The following ZNF346 variants were observed in gnomAD, a reference collection of about 807,000 sequenced individuals.
ZNF346 encodes zinc finger protein 346.
Under a neutral mutation model 33.7 loss-of-function variants are expected in ZNF346, and 23 were observed. The ratio of observed to expected loss-of-function variants is 0.68; its 90% confidence interval spans 0.49 to 0.97. The LOEUF is 0.97. ZNF346 is among the 50% of genes least tolerant of loss of function. The pLI, the probability that ZNF346 is intolerant of heterozygous loss-of-function variation, is 0.00. For synonymous variants in ZNF346, 134 were observed against 142.4 expected (o/e 0.94, Z 0.42); for missense variants, 340 against 371.1 (o/e 0.92, Z 0.69).
chr5:177,044,052 G>GT (rs549037838), intron 3 of ZNF346, among the ~76,000 whole-genome samples: 269 of 144,704 alleles, frequency 1.9e-3, no homozygotes, highest in East Asian at 2.8e-3. Flanking sequence ...ACTGAATGAT[G>GT]TTTTTTTTTT....
chr5:177,044,247 G>A (rs762741735), intron 3 of ZNF346, 142 bp from the exon 4 acceptor site: 2 of 878,340 alleles, frequency 2.3e-6, no homozygotes, highest in Admixed American at 2.6e-5. Context: ...CAAAGTAGCT[G>A]GAGAAGAATC....
intron 4 of ZNF346, among the ~76,000 whole-genome samples, chr5:177,047,356 GAGATGGAGTCTCCCTCTT>G (rs1780215745): frequency 1.1e-4 from 11 of 96,532 alleles, no homozygotes; most frequent in African/African-American, 4.1e-4. Flanking sequence ...TTTTTTTTTT[GAGATGGAGTCTCCCTCTT>G]TTGCCCAAGC....
At chr5:177,058,432 T>C (rs551210655) in intron 5 of ZNF346, among the ~76,000 whole-genome samples, 3 of 151,734 alleles carry the variant, frequency 2.0e-5, no homozygotes, top group Non-Finnish European at 4.4e-5. Context: ...GATCACGCCA[T>C]TGCACTCCAG....
chr5:177,052,856 C>T (rs1175021368), intron 5 of ZNF346: 1 of 152,194 alleles, frequency 6.6e-6, no homozygotes, highest in East Asian at 1.9e-4. Flanking sequence ...ACTTCTCTTG[C>T]ACTGCTAGGC....
intron 1 of ZNF346, among the ~76,000 whole-genome samples, chr5:177,028,637 A>T (rs1456623063): frequency 3.4e-5 from 5 of 147,492 alleles, no homozygotes; most frequent in Non-Finnish European, 7.4e-5. Context: ...GCTTCCTGAA[A>T]CACCTCTGGA....
chr5:177,024,826 A>G (rs1449143222), intron 1 of ZNF346, among the ~76,000 whole-genome samples: 1 of 152,256 alleles, frequency 6.6e-6, no homozygotes, highest in Non-Finnish European at 1.5e-5. Flanking sequence ...TGCTATGTGT[A>G]TATGAGTGTA....
At chr5:177,027,348 C>T (rs1157730607) in intron 1 of ZNF346, among the ~76,000 whole-genome samples, 3 of 152,130 alleles carry the variant, frequency 2.0e-5, no homozygotes, top group South Asian at 2.1e-4. Context: ...CACGCCCAGC[C>T]GATAAAAGTT....
intron 3 of ZNF346, among the ~76,000 whole-genome samples, chr5:177,044,052 G>GTT (rs549037838): frequency 1.4e-5 from 2 of 144,910 alleles, no homozygotes; most frequent in Non-Finnish European, 3.1e-5. Context: ...ACTGAATGAT[G>GTT]TTTTTTTTTT....
At position 177,022,785 on chromosome 5, in the gene ZNF346, C is replaced by T; in HGVS notation, c.47C>T (p.Ala16Val). 6.5e-7 allele frequency: 1 copy of T among 1,548,564 alleles called. No homozygotes were observed. ...PATVQAADGG[A>V]AGPYSSSELL... ...ACGGTGCAGGCCGCGGACGGCGGAGCGGCCGGGCCTTACAGCAGCTCGGAG... is the reference window on the plus strand; with the variant it reads ...ACGGTGCAGGCCGCGGACGGCGGAGTGGCCGGGCCTTACAGCAGCTCGGAG... Residue 16 changes from alanine (A) to valine (V), a missense_variant, in exon 1 of 7, where the codon GCG becomes GTG. Coordinates refer to ENST00000358149, the MANE Select transcript of ZNF346 (RefSeq NM_012279.4).
chr5:177,036,061 C>G (rs1778464249), intron 1 of ZNF346, among the ~76,000 whole-genome samples: 1 of 150,796 alleles, frequency 6.6e-6, no homozygotes, highest in South Asian at 2.1e-4. Flanking sequence ...CTGGATAGTT[C>G]TGATTCAGGG....
intron 6 of ZNF346, 45 bp downstream of exon 6, chr5:177,062,196 C>T: frequency 6.5e-7 from 1 of 1,530,472 alleles, no homozygotes; most frequent in South Asian, 1.1e-5. Flanking sequence ...AGCAGGAGCT[C>T]AGGACTTCTG....
At chr5:177,031,897 A>T (rs1019017459) in intron 1 of ZNF346, among the ~76,000 whole-genome samples, 1 of 147,476 alleles carries the variant, frequency 6.8e-6, no homozygotes, top group African/African-American at 2.5e-5. Context: ...CAGCAAATTT[A>T]TTGTATTATA....
At chr5:177,064,003 C>T (rs942942776) in intron 6 of ZNF346, among the ~76,000 whole-genome samples, 1 of 152,148 alleles carries the variant, frequency 6.6e-6, no homozygotes, top group African/African-American at 2.4e-5. Flanking sequence ...AATTAGGATA[C>T]CCCCTCCCAA....
intron 1 of ZNF346, among the ~76,000 whole-genome samples, chr5:177,024,185 C>CTGG (rs1211001697): frequency 2.3e-5 from 3 of 129,726 alleles, no homozygotes; most frequent in Non-Finnish European, 4.8e-5. Flanking sequence ...CACACTATTT[C>CTGG]TGGGGCCCTC....
chr5:177,063,982 A>T (rs72813135), intron 6 of ZNF346, among the ~76,000 whole-genome samples: 1 of 152,220 alleles, frequency 6.6e-6, no homozygotes, highest in African/African-American at 2.4e-5. Flanking sequence ...ATTTCTCAAC[A>T]AAAGGTCTGA....
chr5:177,027,588 A>G (rs946571011), intron 1 of ZNF346, among the ~76,000 whole-genome samples: 19 of 110,318 alleles, frequency 1.7e-4, no homozygotes, highest in South Asian at 2.9e-4. Flanking sequence ...CTTTGTCTCA[A>G]AAAAAAAAAA....
rs1783010845 is a variant in ZNF346 at position 177,064,924 on chromosome 5, C to T, written c.*325C>T. The T allele has an allele frequency of 3.4e-6, 1 of 296,934 alleles. No homozygotes were observed. Among genetic ancestry groups the T allele is most frequent in the Non-Finnish European group, 6.3e-6 (1 of 157,754 alleles). The allele number at this position is 296,934 out of a possible 1,614,324, so 18.4% of individuals were successfully genotyped here. The stretch of plus-strand genomic sequence containing the variant: ...CTGAGGCCCCTGCCACCTGTCTTTC[C>T]TCTAAAGGTCAGTTTTGGGCCAGTT... On this transcript the variant is annotated 3_prime_UTR_variant, in exon 7 of 7. Coordinates refer to ENST00000358149, the MANE Select transcript of ZNF346 (RefSeq NM_012279.4).
chr5:177,030,768 C>T (rs533161593), intron 1 of ZNF346, among the ~76,000 whole-genome samples: 69 of 152,160 alleles, frequency 4.5e-4, no homozygotes, highest in African/African-American at 1.5e-3. Context: ...ATAAAGAAAC[C>T]CTATACCTAG....
In ZNF346 at chr5:177,077,782, G is replaced by C. The variant is rs1257671496; in HGVS notation, c.*3-1600G>C. Reference sequence around the variant, plus strand: ...GACCACGACATCAAGAAAAGTTTGAGGGGTCGTTACCAGAGAGAGGAAAAG... The same window carrying C: ...GACCACGACATCAAGAAAAGTTTGACGGGTCGTTACCAGAGAGAGGAAAAG... On this transcript the variant is annotated intron_variant, in intron 8 of 8. Coordinates refer to the ZNF346 transcript ENST00000503039. This position sits in a 1 kb window ranked among gnomAD's most constrained non-coding sequence, Gnocchi z 5.0. 6.6e-6 allele frequency among the ~76,000 whole-genome samples: 1 copy of C among 152,144 alleles called. No individual in the cohort carries two copies. The highest frequency in any genetic ancestry group is 1.5e-5 in the Non-Finnish European group (1 of 68,020).
Sources: gnomAD v4.1 joint callset for allele counts (sites outside exome capture counted in the v4.1 genomes callset) on GRCh38, gnomAD v4.1.1 for gene constraint, Gnocchi (gnomAD v3.1) non-coding constraint, MANE v1.5 for transcripts, NCBI Gene and HGNC (gene_info 2026-07-23, HGNC 2026-07-21) for gene names.